The following LDAF1 variants were observed in gnomAD, a reference collection of about 807,000 sequenced individuals.
The protein encoded by LDAF1 is PROMETHIN.
Under a neutral mutation model 13.5 loss-of-function variants are expected in LDAF1, and 7 were observed. The ratio of observed to expected loss-of-function variants is 0.52; its 90% CI spans 0.29 to 0.97. LDAF1 has a LOEUF of 0.97. Ranked by LOEUF, LDAF1 falls within the 50% of genes least tolerant of loss-of-function variation. The pLI is 0.07. For missense variants in LDAF1, 148 were observed against 193.2 expected, an observed-to-expected ratio of 0.77 and a Z score of 1.39; for synonymous variants, 69 against 77.1, an observed-to-expected ratio of 0.89 and a Z score of 0.55.
In LDAF1 at chr16:21,180,078, C is replaced by G. The variant is rs1484926774; in HGVS notation, c.*522C>G. The G allele has an allele frequency of 6.4e-6, 1 of 155,768 alleles. No homozygotes were observed. Among genetic ancestry groups the G allele is most frequent in the East Asian group, 1.9e-4 (1 of 5,214 alleles). The allele number at this position is 155,768 out of a possible 1,614,324, so 9.6% of individuals were successfully genotyped here. On this transcript the variant is annotated 3_prime_UTR_variant, in exon 5 of 5. Coordinates refer to ENST00000233047, the MANE Select transcript of LDAF1 (RefSeq NM_001301771.2). The stretch of plus-strand genomic sequence containing the variant: ...GTTGGAAAATAGAGTCCAAATGTAA[C>G]TTTGTGGCCAAGAGTATTTTCAAAA...
chr16:21,160,906 C>A, intron 1 of LDAF1, 179 bp from the exon 2 acceptor site: 3 of 625,848 alleles, frequency 4.8e-6, no homozygotes, highest in Non-Finnish European at 6.8e-6. Context: ...TGGATTATTT[C>A]CATCATGTTC....
At chr16:21,165,694 A>G (rs2093017214) in intron 2 of LDAF1, 1 of 820,104 alleles carries the variant, frequency 1.2e-6, no homozygotes, top group South Asian at 5.6e-5. Context: ...TCCTTTAATC[A>G]TGTCATAGTT....
chr16:21,160,988 G>A (rs554847979), intron 1 of LDAF1, 97 bp from the exon 2 acceptor site: 15 of 1,344,148 alleles, frequency 1.1e-5, no homozygotes, highest in Admixed American at 3.5e-5. Flanking sequence ...GTTACCCTCC[G>A]TCTGCATGCC....
chr16:21,160,608 C>CT (rs1446164692), intron 1 of LDAF1, among the ~76,000 whole-genome samples: 4 of 152,178 alleles, frequency 2.6e-5, no homozygotes, highest in African/African-American at 7.2e-5. Flanking sequence ...GTGTGTTCAG[C>CT]TTTCTTGCTT....
intron 4 of LDAF1, chr16:21,177,365 A>C (rs1034295610): frequency 2.0e-5 from 3 of 150,012 alleles, no homozygotes; most frequent in Non-Finnish European, 4.4e-5. Flanking sequence ...TGAAATGTGA[A>C]ATTTTTCTAC....
At chr16:21,170,642 T>A in intron 3 of LDAF1, 37 bp downstream of exon 3, 1 of 1,610,590 alleles carries the variant, frequency 6.2e-7, no homozygotes, top group Non-Finnish European at 8.5e-7. Flanking sequence ...TAGAAAATAA[T>A]TCAATTGGGA....
chr16:21,169,630 C>A (rs1366798535), intron 2 of LDAF1, among the ~76,000 whole-genome samples: 2 of 152,160 alleles, frequency 1.3e-5, no homozygotes, highest in African/African-American at 4.8e-5. Context: ...TTCTAACAAA[C>A]TCCTAGATGA....
chr16:21,159,159 C>A (rs551267109), intron 1 of LDAF1, among the ~76,000 whole-genome samples: 1 of 152,194 alleles, frequency 6.6e-6, no homozygotes, highest in Admixed American at 6.5e-5. Flanking sequence ...TCCTCACCAC[C>A]CAGCCCCTCT....
At chr16:21,167,024 C>T (rs1465398755) in intron 2 of LDAF1, 4 of 966,428 alleles carry the variant, frequency 4.1e-6, no homozygotes, top group East Asian at 2.6e-5. Flanking sequence ...GGCATTATGC[C>T]GTCCTGTGGC....
At chr16:21,169,904 T>C (rs529994397) in intron 2 of LDAF1, among the ~76,000 whole-genome samples, 96 of 146,120 alleles carry the variant, frequency 6.6e-4, no homozygotes, top group Non-Finnish European at 1.3e-3. Flanking sequence ...GGAGAAGTCT[T>C]GTTGTAGTGA....
intron 3 of LDAF1, among the ~76,000 whole-genome samples, chr16:21,172,322 C>T (rs1260182372): frequency 1.3e-5 from 2 of 151,904 alleles, no homozygotes; most frequent in African/African-American, 2.4e-5. Context: ...TGGTGGGCAC[C>T]TGTATCCCAG....
Position 21,179,013 on chromosome 16 carries a change from A to G in LDAF1, c.405-462A>G, listed in dbSNP as rs546730871. On this transcript the variant is annotated intron_variant, in intron 4 of 4. Coordinates refer to ENST00000233047, the MANE Select transcript of LDAF1 (RefSeq NM_001301771.2). ...AGCAACATAAGAACGGACTAATACAATCCTCCCCCGAACTCCTTTCCATGG... is the reference window on the plus strand; with the variant it reads ...AGCAACATAAGAACGGACTAATACAGTCCTCCCCCGAACTCCTTTCCATGG... 4.5e-5 allele frequency: 8 copies of G among 177,280 alleles called. No homozygotes were observed. The South Asian group carries it at 7.8e-4, about 17-fold the overall frequency. The allele number at this position is 177,280 out of a possible 1,614,324, so 11.0% of individuals were successfully genotyped here.
rs2093167974 is a variant in LDAF1, at chr16:21,179,855, A to C, written c.*299A>C. 3.6e-6 allele frequency: 1 copy of C among 275,598 alleles called. No individual in the cohort carries two copies. Among genetic ancestry groups the C allele is most frequent in the African/African-American group, 2.2e-5 (1 of 45,000 alleles). The allele number at this position is 275,598 out of a possible 1,614,324, so 17.1% of individuals were successfully genotyped here. ...TTCTAGAGTCTAGCCCGTTGACCCCAAAGCCTCAGGGCTTATGTCCAACGG... is the reference window on the plus strand; with the variant it reads ...TTCTAGAGTCTAGCCCGTTGACCCCCAAGCCTCAGGGCTTATGTCCAACGG... On this transcript the variant is annotated 3_prime_UTR_variant, in exon 5 of 5. Coordinates refer to ENST00000233047, the MANE Select transcript of LDAF1 (RefSeq NM_001301771.2).
At chr16:21,168,981 A>G (rs1420058636) in intron 2 of LDAF1, among the ~76,000 whole-genome samples, 1 of 132,554 alleles carries the variant, frequency 7.5e-6, no homozygotes, top group African/African-American at 2.9e-5. Flanking sequence ...TATTATATAT[A>G]ATTATAAACA....
At position 21,178,994 on chromosome 16, in the gene LDAF1, A is replaced by G. The variant is rs373112957; in HGVS notation, c.405-481A>G. On this transcript the variant is annotated intron_variant, in intron 4 of 4. Coordinates refer to ENST00000233047, the MANE Select transcript of LDAF1 (RefSeq NM_001301771.2). Reference sequence around the variant, plus strand: ...CCAGTCTCAGGTCTTTATTAGCAACATAAGAACGGACTAATACAATCCTCC... The same window carrying G: ...CCAGTCTCAGGTCTTTATTAGCAACGTAAGAACGGACTAATACAATCCTCC... The G allele has an allele frequency of 1.2e-4, 19 of 161,294 alleles. No homozygotes were observed. In the South Asian group the frequency reaches 3.1e-3, roughly 27 times the overall value. 10.0% of individuals were successfully genotyped at this position (161,294 alleles called of 1,614,324 possible).
chr16:21,165,487 T>G (rs2093015136), intron 2 of LDAF1: 12 of 601,444 alleles, frequency 2.0e-5, no homozygotes, highest in Non-Finnish European at 2.3e-5. Flanking sequence ...TCCTTTTATA[T>G]CCCTGTGCCA....
chr16:21,163,694 T>G (rs1056480513), intron 2 of LDAF1, among the ~76,000 whole-genome samples: 2 of 152,176 alleles, frequency 1.3e-5, no homozygotes, highest in African/African-American at 2.4e-5. Flanking sequence ...ATTTTGAGGT[T>G]ACAAATAAAT....
intron 2 of LDAF1, among the ~76,000 whole-genome samples, chr16:21,168,163 C>T (rs948968034): frequency 1.5e-4 from 23 of 151,958 alleles, no homozygotes; most frequent in African/African-American, 4.3e-4. Flanking sequence ...TACCAGCACG[C>T]GCCACCATGC....
At chr16:21,179,306 C>G (rs1004631238) in intron 4 of LDAF1, 169 bp from the exon 5 acceptor site, 1 of 972,800 alleles carries the variant, frequency 1.0e-6, no homozygotes, top group African/African-American at 1.8e-5. Context: ...TCATTTTAAC[C>G]TCCTGTGCCC....
Sources: allele counts gnomAD v4.1 joint callset (sites outside exome capture counted in the v4.1 genomes callset), GRCh38; gene constraint gnomAD v4.1.1; transcripts MANE v1.5; gene names NCBI Gene and HGNC (gene_info 2026-07-23, HGNC 2026-07-21).